RIMS1: variants seen among roughly 807,000 people sequenced by gnomAD.
RIMS1 encodes regulating synaptic membrane exocytosis 1, also known as regulating synaptic membrane exocytosis protein 1.
RIMS1 carries 83 observed loss-of-function variants against 214.1 expected under a neutral mutation model. The ratio of observed to expected loss-of-function variants is 0.39; its 90% CI spans 0.32 to 0.47. The LOEUF is 0.47. Ranked by LOEUF, RIMS1 falls within the 20% of genes least tolerant of loss-of-function variation. The pLI is 0.99. For missense variants in RIMS1, 2,050 were observed against 2,161.8 expected, an observed-to-expected ratio of 0.95 and a Z score of 1.03; for synonymous variants, 793 against 786.8, an observed-to-expected ratio of 1.01 and a Z score of -0.13.
intron 1 of RIMS1, among the ~76,000 whole-genome samples, chr6:71,922,923 T>C (rs1470388809): frequency 6.6e-6 from 1 of 152,148 alleles, no homozygotes; most frequent in East Asian, 1.9e-4. Context: ...TAAAATAAAA[T>C]ATGAGAATAT....
chr6:72,164,818 T>G (rs537096735), intron 4 of RIMS1, among the ~76,000 whole-genome samples: 3 of 152,178 alleles, frequency 2.0e-5, no homozygotes, highest in African/African-American at 7.2e-5. Flanking sequence ...TCTTACTATA[T>G]CTACAAATGG....
At chr6:72,242,627 AT>A (rs1396164137) in intron 10 of RIMS1, among the ~76,000 whole-genome samples, 190 bp downstream of exon 10, 4 of 151,916 alleles carry the variant, frequency 2.6e-5, no homozygotes, top group Admixed American at 6.6e-5. Flanking sequence ...ACTTCACTAC[AT>A]TTTAGAAGCT....
intron 2 of RIMS1, among the ~76,000 whole-genome samples, chr6:72,014,526 G>A (rs545586): frequency 0.23 from 34,288 of 152,070 alleles, 4,498 homozygotes; most frequent in East Asian, 0.32. Context: ...GGACATTTGG[G>A]TTATTTCCAC....
intron 2 of RIMS1, among the ~76,000 whole-genome samples, chr6:72,012,405 A>G (rs1811067150): frequency 6.6e-6 from 1 of 152,198 alleles, no homozygotes; most frequent in South Asian, 2.1e-4. Flanking sequence ...GGTGCAGCAC[A>G]CTAACATGGC....
intron 25 of RIMS1, among the ~76,000 whole-genome samples, chr6:72,291,219 T>A (rs1010532389): frequency 6.6e-6 from 1 of 152,210 alleles, no homozygotes; most frequent in Non-Finnish European, 1.5e-5. Flanking sequence ...GAGGAAATTT[T>A]AAAAATCTTT....
intron 29 of RIMS1, among the ~76,000 whole-genome samples, chr6:72,390,148 G>A (rs2098679303): frequency 1.3e-5 from 2 of 152,116 alleles, no homozygotes; most frequent in South Asian, 4.1e-4. Flanking sequence ...GTAAAACTGT[G>A]GTATTTTTCA....
At chr6:72,344,570 A>G (rs1594571987) in intron 29 of RIMS1, among the ~76,000 whole-genome samples, 1 of 151,954 alleles carries the variant, frequency 6.6e-6, no homozygotes, top group Non-Finnish European at 1.5e-5. Context: ...GGCACAAGAA[A>G]AACATTCTGA....
chr6:71,960,862 C>T (rs1159880646), intron 1 of RIMS1, among the ~76,000 whole-genome samples: 1 of 151,944 alleles, frequency 6.6e-6, no homozygotes, highest in Non-Finnish European at 1.5e-5. Context: ...AGAGCGCTTC[C>T]TGTAGAGAAG....
In RIMS1 at chr6:72,264,486, C is replaced by CT. The variant is rs545543423; in HGVS notation, c.3117-480dup. Reference sequence around the variant, plus strand: ...TCACTTCTTGGCCTTTTTCTGTTTCCTTTTTTTTTGCTGCAGTCTGGTACT... The same window carrying CT: ...TCACTTCTTGGCCTTTTTCTGTTTCCTTTTTTTTTTGCTGCAGTCTGGTACT... On this transcript the variant is annotated intron_variant, in intron 19 of 33. Coordinates refer to ENST00000521978, the MANE Select transcript of RIMS1 (RefSeq NM_014989.7). 1.3e-4 allele frequency among the ~76,000 whole-genome samples: 20 copies of CT among 150,886 alleles called. No homozygotes were observed. The South Asian group carries it at 1.9e-3, about 14-fold the overall frequency.
chr6:72,156,504 GTAC>G (rs1264728177), intron 4 of RIMS1, among the ~76,000 whole-genome samples: 1 of 140,190 alleles, frequency 7.1e-6, no homozygotes, highest in African/African-American at 2.5e-5. Flanking sequence ...AGGTAAAAGG[GTAC>G]TACCTTTGAG....
chr6:72,097,135 A>C lies in RIMS1; in HGVS notation c.432A>C (p.Gly144=). 1 of 1,613,956 alleles carries C rather than the reference A, an allele frequency of 6.2e-7. No individual in the cohort carries two copies. The highest frequency in any genetic ancestry group is 2.2e-5 in the East Asian group (1 of 44,874). ...GCACTAAGTTCTGTGCGCGCTGCGG[A>C]GGCCGCGTGTCTCTACGGTCAAACA... ...YCRTKFCARC[G]GRVSLRSNNE... The change falls in exon 3 of 34, where the codon GGA becomes GGC. Residue 144 remains glycine (G), a synonymous_variant. Coordinates refer to ENST00000521978, the MANE Select transcript of RIMS1 (RefSeq NM_014989.7).
intron 29 of RIMS1, among the ~76,000 whole-genome samples, chr6:72,389,128 A>G (rs952332306): frequency 2.8e-4 from 43 of 152,276 alleles, no homozygotes; most frequent in African/African-American, 8.7e-4. Flanking sequence ...AAGAGGAAAA[A>G]TCCAGCAGAA....
intron 1 of RIMS1, among the ~76,000 whole-genome samples, chr6:71,894,118 T>G (rs1176573759): frequency 6.6e-6 from 1 of 152,208 alleles, no homozygotes; most frequent in Non-Finnish European, 1.5e-5. Flanking sequence ...TCTTGATCAT[T>G]GTTTGGTAAA....
At chr6:72,092,269 TTCCCTCCCTCCC>T (rs1043912468) in intron 2 of RIMS1, among the ~76,000 whole-genome samples, 1 of 114,904 alleles carries the variant, frequency 8.7e-6, no homozygotes, top group African/African-American at 2.9e-5. Context: ...TCCTCCTTCC[TTCCCTCCCTCCC>T]TCCCTCCCTC....
At chr6:72,295,915 A>C (rs1384868673) in intron 26 of RIMS1, 1 of 496,668 alleles carries the variant, frequency 2.0e-6, no homozygotes, top group Non-Finnish European at 2.7e-6. Context: ...TTCCATCATT[A>C]TGTGCATTTA....
rs528360240 is a variant in RIMS1, at chr6:72,328,385, G to A, written c.4131-5215G>A. 5.3e-5 allele frequency among the ~76,000 whole-genome samples: 8 copies of A among 151,590 alleles called. 1 individual carries two copies. In the South Asian group the frequency reaches 1.5e-3, roughly 28 times the overall value. Reference sequence around the variant, plus strand: ...TGGGTGCAGCAAACCACCATGGCACGTATATACCTATGTAACAAACCTTCA... The same window carrying A: ...TGGGTGCAGCAAACCACCATGGCACATATATACCTATGTAACAAACCTTCA... On this transcript the variant is annotated intron_variant, in intron 28 of 33. Transcript: ENST00000521978.
intron 1 of RIMS1, among the ~76,000 whole-genome samples, chr6:71,933,409 C>A (rs546647388): frequency 1.3e-5 from 2 of 152,218 alleles, no homozygotes; most frequent in South Asian, 4.1e-4. Flanking sequence ...TGGTGCCTGG[C>A]ACACAGTAGA....
intron 1 of RIMS1, among the ~76,000 whole-genome samples, chr6:71,936,989 G>A (rs1169180476): frequency 6.6e-6 from 1 of 152,222 alleles, no homozygotes; most frequent in Non-Finnish European, 1.5e-5. Context: ...ATCTGGAGGA[G>A]CTTGAGAAGA....
intron 6 of RIMS1, among the ~76,000 whole-genome samples, chr6:72,187,362 T>C (rs1477467678): frequency 6.6e-6 from 1 of 152,194 alleles, no homozygotes; most frequent in Non-Finnish European, 1.5e-5. Flanking sequence ...GTAGATTATC[T>C]TGACTGCCTT....
Sources: allele counts gnomAD v4.1 joint callset (sites outside exome capture counted in the v4.1 genomes callset), GRCh38; gene constraint gnomAD v4.1.1; transcripts MANE v1.5; gene names NCBI Gene and HGNC (gene_info 2026-07-23, HGNC 2026-07-21).